The following DSCAML1 variants were observed in gnomAD, a reference collection of about 807,000 sequenced individuals.
The protein encoded by DSCAML1 is DS cell adhesion molecule like 1, also known as cell adhesion molecule DSCAML1.
DSCAML1 carries 38 observed loss-of-function variants against 200.5 expected under a neutral mutation model. The ratio of observed to expected loss-of-function variants is 0.19; its 90% CI spans 0.15 to 0.25. The LOEUF is 0.25. Ranked by LOEUF, DSCAML1 falls within the 10% of genes least tolerant of loss-of-function variation. DSCAML1 has a pLI of 1.00. For synonymous variants in DSCAML1, 1,215 were observed against 1,165.0 expected (o/e 1.04, Z -0.87); for missense variants, 2,223 against 2,858.8 (o/e 0.78, Z 5.07).
chr11:117,555,438 C>A (rs902915722), intron 3 of DSCAML1, among the ~76,000 whole-genome samples: 2 of 152,122 alleles, frequency 1.3e-5, no homozygotes, highest in South Asian at 4.1e-4. Flanking sequence ...GCTCAAGGTG[C>A]GCAGGGAGCC....
At chr11:117,577,475 T>C (rs1489943662) in intron 3 of DSCAML1, among the ~76,000 whole-genome samples, 6 of 43,626 alleles carry the variant, frequency 1.4e-4, no homozygotes, top group East Asian at 1.1e-3. Context: ...CCTTCCTTCC[T>C]TCCTTCCTTC....
At chr11:117,553,135 C>G (rs1308469993) in intron 3 of DSCAML1, among the ~76,000 whole-genome samples, 1 of 152,096 alleles carries the variant, frequency 6.6e-6, no homozygotes, top group East Asian at 1.9e-4. Context: ...CAGACATTCA[C>G]AATGGATCGA....
intron 8 of DSCAML1, among the ~76,000 whole-genome samples, chr11:117,512,801 A>ACACG (rs1256356030): frequency 9.4e-6 from 1 of 106,700 alleles, no homozygotes; most frequent in Admixed American, 9.1e-5. Flanking sequence ...ACACACACAC[A>ACACG]CCCCTCCCCT....
At position 117,712,351 on chromosome 11, in the gene DSCAML1, G is replaced by C. The variant is rs545606231; in HGVS notation, c.511+64440C>G. 4.9e-4 allele frequency among the ~76,000 whole-genome samples: 74 copies of C among 152,100 alleles called. 1 individual carries two copies. Among genetic ancestry groups the C allele is most frequent in the Non-Finnish European group, 9.8e-4 (67 of 68,024 alleles). On this transcript the variant is annotated intron_variant, in intron 3 of 32. Transcript: ENST00000651296. ...AGGGTTCTCTTTGACACAGTGATGG[G>C]GAAGGAATCTGTACCATTTGGGGCT...
chr11:117,566,061 T>C (rs1009245098), intron 3 of DSCAML1, among the ~76,000 whole-genome samples: 1 of 152,210 alleles, frequency 6.6e-6, no homozygotes, highest in African/African-American at 2.4e-5. Context: ...GCACTGGCCA[T>C]GGGTTGGGCA....
intron 3 of DSCAML1, among the ~76,000 whole-genome samples, chr11:117,548,905 T>C (rs2050425110): frequency 6.6e-6 from 1 of 152,166 alleles, no homozygotes. Context: ...TGGGCTCATT[T>C]CTGTCTCTGC....
intron 3 of DSCAML1, among the ~76,000 whole-genome samples, chr11:117,677,654 A>G (rs928876669): frequency 4.6e-4 from 70 of 152,190 alleles, no homozygotes; most frequent in African/African-American, 1.6e-3. Flanking sequence ...GCAAGTAGAC[A>G]TCATGCAGGG....
At chr11:117,592,530 C>A (rs960756646) in intron 3 of DSCAML1, among the ~76,000 whole-genome samples, 4 of 152,108 alleles carry the variant, frequency 2.6e-5, no homozygotes, top group African/African-American at 9.7e-5. Flanking sequence ...GGCCCCATAA[C>A]CCCTGATATC....
At chr11:117,687,384 G>T in intron 3 of DSCAML1, among the ~76,000 whole-genome samples, 1 of 149,560 alleles carries the variant, frequency 6.7e-6, no homozygotes. Flanking sequence ...CCTCAGCCTC[G>T]CAAGTAATTA....
chr11:117,648,603 A>C (rs1390689095), intron 3 of DSCAML1, among the ~76,000 whole-genome samples: 1 of 152,202 alleles, frequency 6.6e-6, no homozygotes, highest in Non-Finnish European at 1.5e-5. Flanking sequence ...ATCATGGGTC[A>C]CAGAGCAATT....
intron 3 of DSCAML1, among the ~76,000 whole-genome samples, chr11:117,665,076 G>T (rs187297021): frequency 6.6e-6 from 1 of 152,138 alleles, no homozygotes; most frequent in East Asian, 1.9e-4. Context: ...ATTTCCTGCC[G>T]AAGTCTGTGC....
chr11:117,796,807 G>A (rs1271668228), intron 1 of DSCAML1, among the ~76,000 whole-genome samples: 6 of 152,182 alleles, frequency 3.9e-5, no homozygotes, highest in African/African-American at 1.2e-4. Flanking sequence ...ACCCCTACGG[G>A]CGCGCCCCAA....
intron 3 of DSCAML1, among the ~76,000 whole-genome samples, chr11:117,746,246 G>A (rs1223594287): frequency 8.8e-4 from 52 of 58,946 alleles, no homozygotes; most frequent in African/African-American, 1.3e-3. Context: ...AAAAAAAAAA[G>A]TGCCTGGCAC....
intron 8 of DSCAML1, among the ~76,000 whole-genome samples, chr11:117,512,777 A>ACACACACACACACACACACACC (rs2049661266): frequency 6.8e-6 from 1 of 147,952 alleles, no homozygotes; most frequent in African/African-American, 2.5e-5. Context: ...ACACACACAC[A>ACACACACACACACACACACACC]CACACACACA....
chr11:117,537,999 T>C (rs2050199485), intron 3 of DSCAML1, among the ~76,000 whole-genome samples: 1 of 152,206 alleles, frequency 6.6e-6, no homozygotes. Flanking sequence ...GCCAGTCTTC[T>C]CTCAGACCCT....
chr11:117,436,630 C>G (rs1490850700), intron 26 of DSCAML1, among the ~76,000 whole-genome samples: 1 of 152,002 alleles, frequency 6.6e-6, no homozygotes, highest in African/African-American at 2.4e-5. Flanking sequence ...TCTCCATGTT[C>G]AAAAAGATGG....
chr11:117,439,002 C>T lies in DSCAML1; in HGVS notation c.4145-19G>A, dbSNP rs759086284. 1.2e-5 allele frequency: 19 copies of T among 1,587,602 alleles called. No homozygotes were observed. Among genetic ancestry groups the T allele is most frequent in the Non-Finnish European group, 1.1e-5 (13 of 1,168,534 alleles). ...GGGGGAACTGTGAGGGGAAAGCCACCACCCCTTAGCACAAGGGCGGACCCT... is the reference window on the plus strand; with the variant it reads ...GGGGGAACTGTGAGGGGAAAGCCACTACCCCTTAGCACAAGGGCGGACCCT... On this transcript the variant is annotated intron_variant, in intron 23 of 32. Transcript: ENST00000651296.
chr11:117,610,850 C>T (rs936864665), intron 3 of DSCAML1, among the ~76,000 whole-genome samples: 12 of 149,320 alleles, frequency 8.0e-5, no homozygotes, highest in African/African-American at 2.7e-4. Flanking sequence ...ACCCCCCCCC[C>T]CCACAATGTG....
rs190320424 is a variant in DSCAML1, at chr11:117,461,102, T to G, written c.3412+348A>C. Among the ~76,000 whole-genome samples, 405 of 152,108 alleles carry G rather than the reference T, an allele frequency of 2.7e-3. No individual in the cohort carries two copies. In the Middle Eastern group the frequency reaches 0.037, roughly 14 times the overall value. On this transcript the variant is annotated intron_variant, in intron 18 of 32. Coordinates refer to ENST00000651296, the MANE Select transcript of DSCAML1 (RefSeq NM_020693.4). The stretch of plus-strand genomic sequence containing the variant: ...TAGAAAAGCCAATCTGCCCCTATCA[T>G]GCCCCCAACACTTCCCCAAACACAC...
Sources: gnomAD v4.1 joint callset for allele counts (sites outside exome capture counted in the v4.1 genomes callset) on GRCh38, gnomAD v4.1.1 for gene constraint, MANE v1.5 for transcripts, NCBI Gene and HGNC (gene_info 2026-07-23, HGNC 2026-07-21) for gene names.